The following STK16 variants were observed in gnomAD, a reference collection of about 807,000 sequenced individuals.
STK16 encodes serine/threonine-protein kinase 16.
STK16 carries 28 observed loss-of-function variants against 37.8 expected under a neutral mutation model. The observed-to-expected ratio is 0.74, with a 90% CI of 0.55 to 1.02. STK16 has a LOEUF of 1.02. Ranked by LOEUF, STK16 falls within the 50% of genes least tolerant of loss-of-function variation. The pLI, the probability that STK16 is intolerant of heterozygous loss-of-function variation, is 0.00. For synonymous variants in STK16, 134 were observed against 155.0 expected, an observed-to-expected ratio of 0.86 and a Z score of 1.01; for missense variants, 349 against 390.6, an observed-to-expected ratio of 0.89 and a Z score of 0.90.
Position 219,245,979 on chromosome 2 carries a change from G to T in STK16, c.-21G>T. 6.2e-7 allele frequency: 1 copy of T among 1,609,468 alleles called. No homozygotes were observed. On this transcript the variant is annotated 5_prime_UTR_variant, in exon 2 of 8. The change abolishes the stop of an existing upstream ORF in the 5' untranslated region. Transcript: ENST00000396738. Reference sequence around the variant, plus strand: ...TCTTCGGTAGCCTCAGACCGTCCTTGAAGAGGATGACTGAGACATTATGGG... The same window carrying T: ...TCTTCGGTAGCCTCAGACCGTCCTTTAAGAGGATGACTGAGACATTATGGG...
At position 219,247,143 on chromosome 2, in the gene STK16, C is replaced by CTGAA; in HGVS notation, c.338_341dup (p.Lys114AsnfsTer25). The CTGAA allele has an allele frequency of 6.2e-7, 1 of 1,614,236 alleles. No individual in the cohort carries two copies. The highest frequency in any genetic ancestry group is 8.5e-7 in the Non-Finnish European group (1 of 1,180,038). ...TACGCTGTGGAATGAGATAGAAAGGCTGAAGGACAAAGGCAACTTCCTGAC... is the reference window on the plus strand; with the variant it reads ...TACGCTGTGGAATGAGATAGAAAGGCTGAATGAAGGACAAAGGCAACTTCCTGAC... On this transcript the variant is annotated frameshift_variant, in exon 4 of 8. Coordinates refer to ENST00000396738, the MANE Select transcript of STK16 (RefSeq NM_001330213.2). LOFTEE classifies it high-confidence loss of function.
At chr2:219,247,977 T>C in intron 6 of STK16, 4 of 820,916 alleles carry the variant, frequency 4.9e-6, no homozygotes, top group Non-Finnish European at 8.1e-6. Flanking sequence ...TACAGCTCAG[T>C]GTCAGTAGTG....
At position 219,245,904 on chromosome 2, in the gene STK16, G is replaced by T. The variant is rs1006236819; in HGVS notation, c.-96G>T. ...CGTTGTTTTCTTTCCAGCATGATCC[G>T]CTGGGCCCCCAGCGCATCTCCTGGA... is the stretch of plus-strand genomic sequence containing the variant. On this transcript the variant is annotated 5_prime_UTR_variant, in exon 2 of 8. Coordinates refer to ENST00000396738, the MANE Select transcript of STK16 (RefSeq NM_001330213.2). 1 of 938,754 alleles carries T rather than the reference G, an allele frequency of 1.1e-6. No homozygotes were observed. The highest frequency in any genetic ancestry group is 1.7e-6 in the Non-Finnish European group (1 of 604,114). 58.2% of individuals were successfully genotyped at this position (938,754 alleles called of 1,614,324 possible).
rs898920348 is a variant in STK16 at position 219,247,045 on chromosome 2, G to C, written c.307-68G>C. The C allele has an allele frequency of 1.4e-5, 23 of 1,601,322 alleles. No homozygotes were observed. The Admixed American group carries it at 3.4e-4, about 24-fold the overall frequency. ...AAGGGCTGATAGGCTTTGACATAGG[G>C]AAGGGATCAGGCCTAAGGAGCAGAG... On this transcript the variant is annotated intron_variant, in intron 3 of 7. Coordinates refer to ENST00000396738, the MANE Select transcript of STK16 (RefSeq NM_001330213.2).
Position 219,250,328 on chromosome 2 carries a change from G to C in STK16, c.*1769G>C. On this transcript the variant is annotated 3_prime_UTR_variant, in exon 8 of 8. Coordinates refer to ENST00000396738, the MANE Select transcript of STK16 (RefSeq NM_001330213.2). This position sits in a 1 kb window ranked among gnomAD's most constrained non-coding sequence, Gnocchi z 8.4. ...TCGAAAGGATTTTGCAATAAACATA[G>C]TGAATAGGCTCCAGGCAGCTGCTTT... 2 of 1,582,558 alleles carry C rather than the reference G, an allele frequency of 1.3e-6. No individual in the cohort carries two copies. The highest frequency in any genetic ancestry group is 1.7e-6 in the Non-Finnish European group (2 of 1,162,086).
In STK16 at chr2:219,249,271, AG is replaced by A. The variant is rs1279368511; in HGVS notation, c.*714del. The stretch of plus-strand genomic sequence containing the variant: ...GGAAGCTTTGAGACAGGTAGATTAC[AG>A]GTCTCCCATCCTCAGCCTAGGGGCG... On this transcript the variant is annotated 3_prime_UTR_variant, in exon 8 of 8. Coordinates refer to ENST00000396738, the MANE Select transcript of STK16 (RefSeq NM_001330213.2). 1 of 152,274 alleles carries A rather than the reference AG, an allele frequency of 6.6e-6. No individual in the cohort carries two copies. Among genetic ancestry groups the A allele is most frequent in the Non-Finnish European group, 1.5e-5 (1 of 68,066 alleles). 9.4% of individuals were successfully genotyped at this position (152,274 alleles called of 1,614,324 possible).
At chr2:219,248,172 G>T in intron 6 of STK16, 21 bp from the exon 7 acceptor site, 1 of 1,613,820 alleles carries the variant, frequency 6.2e-7, no homozygotes, top group African/African-American at 1.3e-5. Context: ...CCCTTCTAGG[G>T]ACTAATCAAG....
chr2:219,250,124 A>T lies in STK16; in HGVS notation c.*1565A>T. On this transcript the variant is annotated 3_prime_UTR_variant, in exon 8 of 8. Transcript: ENST00000396738. This position sits in a 1 kb window ranked among gnomAD's most constrained non-coding sequence, Gnocchi z 8.4. ...CTGAGTAACCCTAGGACTTCAATTT[A>T]AAGTCCCTGGGGTTATGCTTCCTGG... 2 of 638,568 alleles carry T rather than the reference A, an allele frequency of 3.1e-6. No homozygotes were observed. Among genetic ancestry groups the T allele is most frequent in the Non-Finnish European group, 5.4e-6 (2 of 370,248 alleles). The allele number at this position is 638,568 out of a possible 1,614,324, so 39.6% of individuals were successfully genotyped here.
chr2:219,245,744 C>T lies in STK16; in HGVS notation c.-157C>T. 3.3e-6 allele frequency: 1 copy of T among 303,706 alleles called. No individual in the cohort carries two copies. The allele number at this position is 303,706 out of a possible 1,614,324, so 18.8% of individuals were successfully genotyped here. A position where few individuals can be genotyped will look rare whatever the true frequency, so the allele number is the denominator to read the frequency against. On this transcript the variant is annotated 5_prime_UTR_variant, in exon 1 of 8. Coordinates refer to ENST00000396738, the MANE Select transcript of STK16 (RefSeq NM_001330213.2). ...TGTCCTGAGGCCGTAAGGCGCCTGA[C>T]CCCACCCCTGAAGCTGGCGACGGAG...
chr2:219,248,578 A>C lies in STK16; in HGVS notation c.*19A>C. On this transcript the variant is annotated 3_prime_UTR_variant, in exon 8 of 8. Transcript: ENST00000396738. ...AATCTGAAAAAGCAGCATGTTGAGAAGATGGCCCCTTGTGCCTTGGAAAGA... is the reference window on the plus strand; with the variant it reads ...AATCTGAAAAAGCAGCATGTTGAGACGATGGCCCCTTGTGCCTTGGAAAGA... 1 of 1,596,182 alleles carries C rather than the reference A, an allele frequency of 6.3e-7. No individual in the cohort carries two copies. Among genetic ancestry groups the C allele is most frequent in the Non-Finnish European group, 8.5e-7 (1 of 1,170,060 alleles).
rs1951525582 is a variant in STK16, at chr2:219,246,166, A to G, written c.86+81A>G. 1 of 1,251,168 alleles carries G rather than the reference A, an allele frequency of 8.0e-7. No homozygotes were observed. Among genetic ancestry groups the G allele is most frequent in the Non-Finnish European group, 1.1e-6 (1 of 870,682 alleles). 77.5% of individuals were successfully genotyped at this position (1,251,168 alleles called of 1,614,324 possible). On this transcript the variant is annotated intron_variant, in intron 2 of 7. Coordinates refer to ENST00000396738, the MANE Select transcript of STK16 (RefSeq NM_001330213.2). The surrounding 1 kb of genome is among the most constrained non-coding windows in gnomAD (Gnocchi z 4.5). The stretch of plus-strand genomic sequence containing the variant: ...GCGGTGTGCATATGCTTGGGGCACA[A>G]GGGTTTTATCCCTATCCCTGTCCTC...
At chr2:219,248,390 A>T in intron 7 of STK16, 31 bp from the exon 8 acceptor site, 1 of 1,612,562 alleles carries the variant, frequency 6.2e-7, no homozygotes, top group South Asian at 1.1e-5. Context: ...GATAGGTGTC[A>T]TCCGGTCACC....
chr2:219,248,903 G>A lies in STK16; in HGVS notation c.*344G>A. On this transcript the variant is annotated 3_prime_UTR_variant, in exon 8 of 8. Transcript: ENST00000396738. ...AAGAATAAAGTGGAAGCAGGTTGGT[G>A]TAGATCTTAGTCTCAGTGTTCCTGG... The A allele has an allele frequency of 4.8e-6, 1 of 208,774 alleles. No homozygotes were observed. Among genetic ancestry groups the A allele is most frequent in the Non-Finnish European group, 9.8e-6 (1 of 101,676 alleles). The allele number at this position is 208,774 out of a possible 1,614,324, so 12.9% of individuals were successfully genotyped here.
intron 6 of STK16, 119 bp from the exon 7 acceptor site, chr2:219,248,074 C>T (rs1574880252): frequency 1.4e-6 from 2 of 1,466,314 alleles, no homozygotes; most frequent in South Asian, 1.3e-5. Flanking sequence ...CTGGTGGTGC[C>T]ATGTGGCTGA....
rs1951554018 is a variant in STK16, at chr2:219,247,173, G to T, written c.367G>T (p.Asp123Tyr). The T allele has an allele frequency of 6.2e-7, 1 of 1,614,112 alleles. No homozygotes were observed. Among genetic ancestry groups the T allele is most frequent in the Non-Finnish European group, 8.5e-7 (1 of 1,180,046 alleles). The change falls in exon 4 of 8, where the codon GAT becomes TAT. Residue 123 changes from aspartate (D) to tyrosine (Y), a missense_variant. Coordinates refer to ENST00000396738, the MANE Select transcript of STK16 (RefSeq NM_001330213.2). Reference sequence around the variant, plus strand: ...GGACAAAGGCAACTTCCTGACCGAGGATCAAATCCTTTGGCTGCTGCTGGG... The same window carrying T: ...GGACAAAGGCAACTTCCTGACCGAGTATCAAATCCTTTGGCTGCTGCTGGG... ...LKDKGNFLTE[D>Y]QILWLLLGIC...
chr2:219,248,393 C>T (rs752530276), intron 7 of STK16, 28 bp from the exon 8 acceptor site: 16 of 1,612,182 alleles, frequency 9.9e-6, no homozygotes, highest in South Asian at 2.2e-5. Context: ...AGGTGTCATC[C>T]GGTCACCCTG....
intron 3 of STK16, 76 bp from the exon 4 acceptor site, chr2:219,247,037 G>T: frequency 6.3e-7 from 1 of 1,596,268 alleles, no homozygotes; most frequent in Non-Finnish European, 8.6e-7. Flanking sequence ...GATAGGCTTT[G>T]ACATAGGGAA....
rs1951513372 is a variant in STK16, at chr2:219,245,682, G to A, written c.-219G>A. 2 of 210,926 alleles carry A rather than the reference G, an allele frequency of 9.5e-6. No individual in the cohort carries two copies. The highest frequency in any genetic ancestry group is 4.6e-5 in the African/African-American group (2 of 43,148). 13.1% of individuals were successfully genotyped at this position (210,926 alleles called of 1,614,324 possible). On this transcript the variant is annotated 5_prime_UTR_variant, in exon 1 of 8. It introduces an in-frame stop codon into an upstream open reading frame of the 5' UTR. Transcript: ENST00000396738. The stretch of plus-strand genomic sequence containing the variant: ...TGGGAGCGGGGGCTGCCCAAAGATG[G>A]GCTGGGGTTGGAGGAAGTGGCCCGG...
chr2:219,245,842 A>C, intron 1 of STK16, 46 bp downstream of exon 1: 1 of 582,948 alleles, frequency 1.7e-6, no homozygotes, highest in East Asian at 3.0e-5. Context: ...TTGGTACTTC[A>C]TGGGTCGTCT....
Sources: gnomAD v4.1 joint callset for allele counts on GRCh38, gnomAD v4.1.1 for gene constraint, Gnocchi (gnomAD v3.1) non-coding constraint, MANE v1.5 for transcripts, NCBI Gene and HGNC (gene_info 2026-07-23, HGNC 2026-07-21) for gene names.